Variants in COG5 observed in about 807,000 individuals in gnomAD.
The protein encoded by COG5 is component of oligomeric golgi complex 5, also known as conserved oligomeric Golgi complex subunit 5.
A neutral mutation model predicts 110.4 loss-of-function variants in COG5; 86 were observed. The ratio of observed to expected loss-of-function variants is 0.78; its 90% CI spans 0.65 to 0.93. COG5 has a LOEUF of 0.93. COG5 is among the 40% of genes least tolerant of loss of function. COG5 has a pLI of 0.00. For synonymous variants in COG5, 360 were observed against 334.6 expected (o/e 1.08, Z -0.83); for missense variants, 1,077 against 987.0 (o/e 1.09, Z -1.22).
At chr7:107,338,640 T>G (rs1285812841) in intron 10 of COG5, among the ~76,000 whole-genome samples, 1 of 152,030 alleles carries the variant, frequency 6.6e-6, no homozygotes, top group East Asian at 1.9e-4. Flanking sequence ...ACATCAAACT[T>G]GAAGATTTCT....
intron 14 of COG5, among the ~76,000 whole-genome samples, chr7:107,270,843 C>T (rs1804201524): frequency 7.7e-6 from 1 of 130,250 alleles, no homozygotes; most frequent in Admixed American, 7.7e-5. Flanking sequence ...TTTTTCTATA[C>T]TTGTGCTAAT....
intron 10 of COG5, among the ~76,000 whole-genome samples, chr7:107,341,928 T>G (rs577033301): frequency 6.6e-6 from 1 of 152,264 alleles, no homozygotes; most frequent in South Asian, 2.1e-4. Context: ...ATAAAAATTC[T>G]AAAAGAAAAC....
In COG5 at chr7:107,282,713, C is replaced by T. The variant is rs3779498; in HGVS notation, c.1475+858G>A. 2.0e-5 allele frequency among the ~76,000 whole-genome samples: 3 copies of T among 151,700 alleles called. No individual in the cohort carries two copies. The South Asian group carries it at 6.2e-4, about 31-fold the overall frequency. On this transcript the variant is annotated intron_variant, in intron 13 of 21. Transcript: ENST00000297135. ...ATTTTTGTATTTTTAGTAGAGATGG[C>T]GTTTCACCAGGATGGTCTGGAACTC...
In COG5 at chr7:107,424,995, C is replaced by T. The variant is rs551039780; in HGVS notation, c.539-12363G>A. ...AACACAAAATTAAGTAGGTACTTTA[C>T]CACAATACTCCTCAAAACCATTACT... On this transcript the variant is annotated intron_variant, in intron 6 of 21. Transcript: ENST00000297135. Among the ~76,000 whole-genome samples the T allele has an allele frequency of 2.8e-4, 43 of 152,192 alleles. No homozygotes were observed. The South Asian group carries it at 8.5e-3, about 30-fold the overall frequency.
chr7:107,362,308 C>G lies in COG5; in HGVS notation c.948G>C (p.Gln316His). 1 of 1,593,182 alleles carries G rather than the reference C, an allele frequency of 6.3e-7. No homozygotes were observed. The highest frequency in any genetic ancestry group is 8.6e-7 in the Non-Finnish European group (1 of 1,161,274). The change falls in exon 9 of 22, where the codon CAG becomes CAC. Residue 316 changes from glutamine (Q) to histidine (H), a missense_variant and splice_region_variant. Transcript: ENST00000297135. ...LMDHIYAVCG[Q>H]VQHLQKVLAK... ...TTTTTCCACTCCTTCAAATATTTAC[C>G]TGTCCACAAACAGCATAAATATGAT...
intron 6 of COG5, among the ~76,000 whole-genome samples, chr7:107,471,021 G>A (rs1356321131): frequency 1.3e-5 from 2 of 151,886 alleles, no homozygotes; most frequent in Admixed American, 1.3e-4. Context: ...TTATTACAAA[G>A]AAGAAATAAC....
chr7:107,321,065 A>G (rs1809221863), intron 11 of COG5, among the ~76,000 whole-genome samples: 1 of 152,200 alleles, frequency 6.6e-6, no homozygotes, highest in Admixed American at 6.5e-5. Flanking sequence ...CCAAAAACTG[A>G]GACTTTCATA....
chr7:107,516,590 A>C (rs1385479132), intron 6 of COG5, among the ~76,000 whole-genome samples: 2 of 152,222 alleles, frequency 1.3e-5, no homozygotes, highest in Non-Finnish European at 2.9e-5. Flanking sequence ...ACAGGAGTTG[A>C]CAGACACCTC....
At chr7:107,288,215 T>G (rs1805806749) in intron 12 of COG5, among the ~76,000 whole-genome samples, 1 of 152,012 alleles carries the variant, frequency 6.6e-6, no homozygotes, top group Non-Finnish European at 1.5e-5. Context: ...AATAAAATAA[T>G]TAGTCAGGCA....
chr7:107,404,884 T>TA (rs1791698898), intron 7 of COG5, among the ~76,000 whole-genome samples: 1 of 34,616 alleles, frequency 2.9e-5, no homozygotes. Flanking sequence ...TTTCAGAAGA[T>TA]GAAAAAAAAA....
At chr7:107,538,901 T>C (rs1801780505) in intron 5 of COG5, among the ~76,000 whole-genome samples, 1 of 152,204 alleles carries the variant, frequency 6.6e-6, no homozygotes. Flanking sequence ...ATGTGATATA[T>C]TCATAAAATG....
At chr7:107,438,270 C>T (rs1794482728) in intron 6 of COG5, among the ~76,000 whole-genome samples, 1 of 152,198 alleles carries the variant, frequency 6.6e-6, no homozygotes, top group African/African-American at 2.4e-5. Context: ...TTCTCCTTTA[C>T]TGGAGACAAG....
intron 17 of COG5, among the ~76,000 whole-genome samples, chr7:107,244,732 T>C (rs550515601): frequency 2.0e-5 from 3 of 152,126 alleles, no homozygotes; most frequent in South Asian, 2.1e-4. Context: ...ACATACACTC[T>C]CCCAAGACCC....
intron 21 of COG5, among the ~76,000 whole-genome samples, chr7:107,206,436 T>C (rs1293823690): frequency 1.3e-5 from 2 of 152,200 alleles, no homozygotes; most frequent in Non-Finnish European, 2.9e-5. Context: ...GAGATATTTT[T>C]CTATGAAAAA....
At chr7:107,464,372 C>A (rs1333779240) in intron 6 of COG5, among the ~76,000 whole-genome samples, 1 of 152,128 alleles carries the variant, frequency 6.6e-6, no homozygotes, top group Non-Finnish European at 1.5e-5. Flanking sequence ...CCTCCTCCAG[C>A]CTAGAGAGTG....
chr7:107,378,186 G>A (rs753327239), intron 7 of COG5, among the ~76,000 whole-genome samples: 7 of 152,126 alleles, frequency 4.6e-5, no homozygotes, highest in African/African-American at 7.2e-5. Flanking sequence ...GGGTCTGACC[G>A]TCAGAAGGAA....
At chr7:107,290,004 C>T (rs534142595) in intron 12 of COG5, among the ~76,000 whole-genome samples, 1 of 152,286 alleles carries the variant, frequency 6.6e-6, no homozygotes, top group East Asian at 1.9e-4. Flanking sequence ...CTCCCTCACC[C>T]TGATCCTGTA....
chr7:107,544,384 T>G (rs912220472), intron 5 of COG5, among the ~76,000 whole-genome samples: 6 of 152,174 alleles, frequency 3.9e-5, no homozygotes, highest in Admixed American at 3.3e-4. Context: ...CCAGCTCTTG[T>G]GGACTAGGGC....
chr7:107,292,371 A>G (rs541043621), intron 12 of COG5, among the ~76,000 whole-genome samples: 55 of 152,312 alleles, frequency 3.6e-4, no homozygotes, highest in Middle Eastern at 3.4e-3. Context: ...TCTTTATGCC[A>G]GGGCTCTGGA....
Sources: gnomAD v4.1 joint callset for allele counts (sites outside exome capture counted in the v4.1 genomes callset) on GRCh38, gnomAD v4.1.1 for gene constraint, MANE v1.5 for transcripts, NCBI Gene and HGNC (gene_info 2026-07-23, HGNC 2026-07-21) for gene names.